ADARB1: variants seen among roughly 807,000 people sequenced by gnomAD.
The protein encoded by ADARB1 is adenosine deaminase RNA specific B1, also known as double-stranded RNA-specific editase 1.
In ADARB1, 10 loss-of-function variants were observed where a neutral mutation model predicts 52.4. The observed-to-expected ratio is 0.19, with a 90% CI of 0.12 to 0.32. The LOEUF (loss-of-function observed/expected upper bound fraction) is 0.32. Ranked by LOEUF, ADARB1 falls within the 10% of genes least tolerant of loss-of-function variation. The probability of loss-of-function intolerance (pLI) is 1.00; values close to 1 mark genes in which losing one functional copy is unlikely to be tolerated. For missense variants in ADARB1, 643 were observed against 922.3 expected (o/e 0.70, Z 3.92); for synonymous variants, 349 against 371.1 (o/e 0.94, Z 0.68).
chr21:45,147,819 C>A (rs903735659), intron 2 of ADARB1, among the ~76,000 whole-genome samples: 5 of 152,214 alleles, frequency 3.3e-5, no homozygotes, highest in Non-Finnish European at 7.3e-5. Flanking sequence ...ACGCTGCCCC[C>A]GGCACCTCTC....
At chr21:45,186,196 T>C (rs2092100276) in intron 8 of ADARB1, among the ~76,000 whole-genome samples, 1 of 152,270 alleles carries the variant, frequency 6.6e-6, no homozygotes, top group Non-Finnish European at 1.5e-5. Context: ...TACTATGCTG[T>C]AAATCCTATC....
chr21:45,103,308 T>C (rs1206712152), intron 1 of ADARB1, among the ~76,000 whole-genome samples: 1 of 151,882 alleles, frequency 6.6e-6, no homozygotes, highest in Non-Finnish European at 1.5e-5. Flanking sequence ...TGGGCCGAGG[T>C]GGGGGCTGGG....
intron 9 of ADARB1, among the ~76,000 whole-genome samples, chr21:45,212,382 C>T (rs1409324845): frequency 1.3e-5 from 2 of 152,200 alleles, no homozygotes; most frequent in Non-Finnish European, 2.9e-5. Flanking sequence ...GAACTCAGAA[C>T]ATGCAGGCAG....
chr21:45,203,912 C>A (rs1214556440), intron 8 of ADARB1, among the ~76,000 whole-genome samples: 2 of 152,084 alleles, frequency 1.3e-5, no homozygotes, highest in Admixed American at 6.5e-5. Flanking sequence ...CTGTAAGTAC[C>A]TTCCTATATA....
At chr21:45,104,404 C>T (rs2087159202) in intron 1 of ADARB1, among the ~76,000 whole-genome samples, 1 of 151,996 alleles carries the variant, frequency 6.6e-6, no homozygotes, top group Admixed American at 6.6e-5. Flanking sequence ...TGACTGGGGA[C>T]TCCTGGGATA....
intron 2 of ADARB1, among the ~76,000 whole-genome samples, chr21:45,136,273 A>C (rs1023969350): frequency 6.6e-6 from 1 of 152,162 alleles, no homozygotes; most frequent in African/African-American, 2.4e-5. Flanking sequence ...CAGGCTTTCC[A>C]GGCTTCCAGC....
intron 2 of ADARB1, among the ~76,000 whole-genome samples, chr21:45,148,764 C>T (rs988628436): frequency 5.3e-5 from 8 of 152,176 alleles, no homozygotes; most frequent in African/African-American, 1.7e-4. Context: ...CCTCTGGGAG[C>T]GTTGTTTCTC....
At chr21:45,214,325 A>G (rs376314201) in intron 9 of ADARB1, among the ~76,000 whole-genome samples, 197 of 152,310 alleles carry the variant, frequency 1.3e-3, no homozygotes, top group African/African-American at 4.5e-3. Context: ...TCTCCCAATC[A>G]GTGGCTTGTC....
intron 2 of ADARB1, among the ~76,000 whole-genome samples, chr21:45,163,204 T>G (rs1487235037): frequency 6.6e-6 from 1 of 152,240 alleles, no homozygotes; most frequent in African/African-American, 2.4e-5. Context: ...TTACAAATAT[T>G]TCTGATTTAA....
chr21:45,175,748 T>C lies in ADARB1; in HGVS notation c.47T>C (p.Val16Ala). The C allele has an allele frequency of 6.2e-7, 1 of 1,614,046 alleles. No individual in the cohort carries two copies. The highest frequency in any genetic ancestry group is 8.5e-7 in the Non-Finnish European group (1 of 1,179,956). The change falls in exon 4 of 11, where the codon GTG (valine) becomes GCG (alanine). Residue 16 changes from valine (V) to alanine (A), a missense_variant. Around this residue, in one of 2 missense-constraint regions of ADARB1, gnomAD observed 380 missense variants for 446.5 expected, o/e 0.85. Transcript: ENST00000348831. Reference sequence around the variant, plus strand: ...ACCACAGGTTCCAGCAGCACTGATGTGAAGGAAAACCGCAATCTGGACAAC... The same window carrying C: ...ACCACAGGTTCCAGCAGCACTGATGCGAAGGAAAACCGCAATCTGGACAAC... ...EENMSSSSTD[V>A]KENRNLDNVS...
intron 2 of ADARB1, among the ~76,000 whole-genome samples, chr21:45,130,218 G>T (rs760854137): frequency 1.6e-4 from 24 of 152,194 alleles, no homozygotes; most frequent in Non-Finnish European, 3.1e-4. Flanking sequence ...ACATGCCACA[G>T]AAGTAAAACA....
chr21:45,170,929 T>A (rs182445123), intron 2 of ADARB1, among the ~76,000 whole-genome samples: 1 of 152,232 alleles, frequency 6.6e-6, no homozygotes, highest in Non-Finnish European at 1.5e-5. Flanking sequence ...ATAATACTTA[T>A]ATGTAACTAA....
chr21:45,188,720 G>T (rs2092192092), intron 8 of ADARB1, among the ~76,000 whole-genome samples: 2 of 151,582 alleles, frequency 1.3e-5, no homozygotes, highest in Non-Finnish European at 2.9e-5. Context: ...TTGCCATTTT[G>T]CTGTTTTCTA....
chr21:45,161,222 C>A (rs147045463), intron 2 of ADARB1, among the ~76,000 whole-genome samples: 262 of 152,284 alleles, frequency 1.7e-3, no homozygotes, highest in East Asian at 0.01. Flanking sequence ...GGAAGCCCCA[C>A]CCCCTTCCAA....
At chr21:45,162,355 G>GTA (rs1446913924) in intron 2 of ADARB1, among the ~76,000 whole-genome samples, 2 of 152,132 alleles carry the variant, frequency 1.3e-5, no homozygotes, top group Non-Finnish European at 2.9e-5. Context: ...CTGCCTGGCT[G>GTA]TACACAATGG....
intron 8 of ADARB1, among the ~76,000 whole-genome samples, chr21:45,198,954 G>A (rs1369268661): frequency 6.6e-6 from 1 of 152,032 alleles, no homozygotes; most frequent in Non-Finnish European, 1.5e-5. Context: ...ATCCCAACAT[G>A]GCAATAGAAA....
chr21:45,175,922 C>T lies in ADARB1; in HGVS notation c.221C>T (p.Pro74Leu), dbSNP rs1437618458. The change falls in exon 4 of 11, where the codon CCA becomes CTA. Residue 74 changes from proline (P) to leucine (L), a missense_variant. Pro to Leu is a moderately conservative substitution (Grantham distance 98, BLOSUM62 -3). Transcript: ENST00000348831. ...CGCCTGAAGAAAAGGAGGAAAACAC[C>T]AGGGCCCGTCCTCCCCAAGAACGCC... ...KYRLKKRRKT[P>L]GPVLPKNALM... 2 of 1,609,652 alleles carry T rather than the reference C, an allele frequency of 1.2e-6. No homozygotes were observed. The highest frequency in any genetic ancestry group is 1.1e-5 in the South Asian group (1 of 90,512).
intron 3 of ADARB1, among the ~76,000 whole-genome samples, chr21:45,174,018 T>C (rs1402056225): frequency 6.6e-6 from 1 of 152,152 alleles, no homozygotes; most frequent in Non-Finnish European, 1.5e-5. Context: ...ATCTTTAACC[T>C]CAAAGATTGG....
In ADARB1 at chr21:45,128,452, AC is replaced by A. The variant is rs1230393822; in HGVS notation, c.-168del. 6.6e-6 allele frequency: 1 copy of A among 152,156 alleles called. No individual in the cohort carries two copies. Among genetic ancestry groups the A allele is most frequent in the Admixed American group, 6.5e-5 (1 of 15,280 alleles). The allele number at this position is 152,156 out of a possible 1,614,324, so 9.4% of individuals were successfully genotyped here. On this transcript the variant is annotated 5_prime_UTR_variant, in exon 2 of 11. Coordinates refer to ENST00000348831, the MANE Select transcript of ADARB1 (RefSeq NM_001112.4). This position sits in a 1 kb window ranked among gnomAD's most constrained non-coding sequence, Gnocchi z 4.6. ...AGAGCTTAAGGGGCAACTGAAGGAG[AC>A]ACACTGGCCAAGCGCGGAGTTCTGC...
Sources: allele counts gnomAD v4.1 joint callset (sites outside exome capture counted in the v4.1 genomes callset), GRCh38; gene constraint gnomAD v4.1.1; regional missense constraint gnomAD v4.1.1; non-coding constraint Gnocchi (gnomAD v3.1); transcripts MANE v1.5; gene names NCBI Gene and HGNC (gene_info 2026-07-23, HGNC 2026-07-21).